Variants in UBR1 observed in about 807,000 individuals in gnomAD.
UBR1 encodes E3 ubiquitin-protein ligase UBR1.
In UBR1, 102 loss-of-function variants were observed where a neutral mutation model predicts 242.1. The ratio of observed to expected loss-of-function variants is 0.42; its 90% confidence interval spans 0.36 to 0.50. The LOEUF (loss-of-function observed/expected upper bound fraction) is 0.50. UBR1 is among the 20% of genes least tolerant of loss of function. The pLI is 0.01. For missense variants in UBR1, 1,772 were observed against 2,101.8 expected (o/e 0.84, Z 3.07); for synonymous variants, 675 against 684.8 (o/e 0.99, Z 0.22).
intron 1 of UBR1, among the ~76,000 whole-genome samples, chr15:43,104,965 T>C (rs553321385): frequency 6.6e-5 from 10 of 152,188 alleles, no homozygotes; most frequent in Admixed American, 5.2e-4. Flanking sequence ...ACTCGGAAGG[T>C]TGCAGTGAGC....
chr15:43,029,026 A>C (rs1187140912), intron 21 of UBR1, among the ~76,000 whole-genome samples: 1 of 152,054 alleles, frequency 6.6e-6, no homozygotes, highest in Non-Finnish European at 1.5e-5. Flanking sequence ...CGGAGGTTGC[A>C]GTGAGCCAAG....
Position 43,043,402 on chromosome 15 carries a change from G to T in UBR1, c.1669-7C>A. On this transcript the variant is annotated splice_polypyrimidine_tract_variant and splice_region_variant and intron_variant, in intron 14 of 46. Transcript: ENST00000290650. ...CCACAAGTAAGAGTTCTTCCTAAGA[G>T]GAAAATAAGATACAAAAAGTTGACA... 6.2e-7 allele frequency: 1 copy of T among 1,613,732 alleles called. No individual in the cohort carries two copies. Among genetic ancestry groups the T allele is most frequent in the Non-Finnish European group, 8.5e-7 (1 of 1,179,880 alleles).
chr15:43,093,916 T>G (rs1055606052), intron 1 of UBR1, among the ~76,000 whole-genome samples: 1 of 152,156 alleles, frequency 6.6e-6, no homozygotes, highest in Non-Finnish European at 1.5e-5. Flanking sequence ...CATCAGTCTT[T>G]TCAAATAAAT....
At chr15:43,009,325 G>A (rs1268995863) in intron 29 of UBR1, among the ~76,000 whole-genome samples, 1 of 152,250 alleles carries the variant, frequency 6.6e-6, no homozygotes, top group Non-Finnish European at 1.5e-5. Context: ...GGCTTGCACA[G>A]AGCTGGCCCC....
chr15:42,976,977 G>A, intron 38 of UBR1, 110 bp from the exon 39 acceptor site: 10 of 1,214,676 alleles, frequency 8.2e-6, no homozygotes. Context: ...TTGTGTGTGT[G>A]TTTTTTAATA....
chr15:42,962,984 T>A (rs1047865606), intron 42 of UBR1, among the ~76,000 whole-genome samples: 5 of 152,174 alleles, frequency 3.3e-5, no homozygotes, highest in Non-Finnish European at 7.4e-5. Flanking sequence ...GGGCAAGGAC[T>A]TTCTGTTTCA....
chr15:43,002,865 G>T (rs534331896), intron 31 of UBR1, among the ~76,000 whole-genome samples, 161 bp from the exon 32 acceptor site: 2 of 152,254 alleles, frequency 1.3e-5, no homozygotes, highest in South Asian at 4.1e-4. Flanking sequence ...AATTATAGAA[G>T]AAACAGGTTG....
chr15:43,012,615 A>T (rs2032939995), intron 29 of UBR1, among the ~76,000 whole-genome samples: 1 of 152,158 alleles, frequency 6.6e-6, no homozygotes, highest in South Asian at 2.1e-4. Context: ...CTTTGCTTAC[A>T]CCTTCTTATT....
chr15:43,053,682 C>A (rs2033582419), intron 12 of UBR1, among the ~76,000 whole-genome samples: 1 of 150,732 alleles, frequency 6.6e-6, no homozygotes, highest in South Asian at 2.1e-4. Flanking sequence ...AACCTCAAAC[C>A]CCTGGGCTCA....
At position 43,075,890 on chromosome 15, in the gene UBR1, T is replaced by C. The variant is rs535263116; in HGVS notation, c.418-801A>G. 1.3e-3 allele frequency among the ~76,000 whole-genome samples: 197 copies of C among 152,092 alleles called. 1 individual carries two copies. Among genetic ancestry groups the C allele is most frequent in the African/African-American group, 4.6e-3 (191 of 41,490 alleles). ...TCAGCCTGCCAAAGTGCTGGGATTA[T>C]AGGCATAAGCCACCATGCCCAACCT... On this transcript the variant is annotated intron_variant, in intron 3 of 46. Coordinates refer to ENST00000290650, the MANE Select transcript of UBR1 (RefSeq NM_174916.3).
At chr15:43,071,030 A>T (rs2033818346) in intron 4 of UBR1, 105 bp from the exon 5 acceptor site, 1 of 1,434,082 alleles carries the variant, frequency 7.0e-7, no homozygotes, top group Non-Finnish European at 9.6e-7. Context: ...ATTCATTACA[A>T]CATCGTCCAG....
At chr15:43,067,815 A>G in intron 6 of UBR1, 83 bp downstream of exon 6, 1 of 1,550,134 alleles carries the variant, frequency 6.5e-7, no homozygotes, top group Non-Finnish European at 8.9e-7. Flanking sequence ...ACCTAGCACA[A>G]TACTGAGCAA....
Position 42,945,489 on chromosome 15 carries a change from AAAC to A in UBR1, c.5109-22_5109-20del, listed in dbSNP as rs759794980. 1.2e-6 allele frequency: 2 copies of A among 1,613,762 alleles called. No homozygotes were observed. Among genetic ancestry groups the A allele is most frequent in the South Asian group, 2.2e-5 (2 of 91,014 alleles). On this transcript the variant is annotated intron_variant, in intron 46 of 46. Coordinates refer to ENST00000290650, the MANE Select transcript of UBR1 (RefSeq NM_174916.3). ...GCCCCTCCTTTAGGGAAAAAAGAAA[AAAC>A]AACATGTAAGTTTGAATCTAGTAAC...
Position 43,087,303 on chromosome 15 carries a change from G to A in UBR1, c.82-1063C>T, listed in dbSNP as rs928644227. Among the ~76,000 whole-genome samples the A allele has an allele frequency of 2.6e-5, 4 of 152,250 alleles. No homozygotes were observed. The South Asian group carries it at 8.3e-4, about 32-fold the overall frequency. The stretch of plus-strand genomic sequence containing the variant: ...GCCTGTAGTCCCAGCTACTCAGGAG[G>A]TTGAGGCAGGAGGATGGCGTGAACC... On this transcript the variant is annotated intron_variant, in intron 1 of 46. Transcript: ENST00000290650.
rs369213575 is a variant in UBR1 at position 43,030,008 on chromosome 15, A to G, written c.2315T>C (p.Ile772Thr). 7 of 1,613,938 alleles carry G rather than the reference A, an allele frequency of 4.3e-6. No homozygotes were observed. Among genetic ancestry groups the G allele is most frequent in the Non-Finnish European group, 5.9e-6 (7 of 1,179,976 alleles). ...VTKEEVTMREIIHLLCIEPMP... is the reference protein window; with the variant it reads ...VTKEEVTMRETIHLLCIEPMP... ...GGGTTCAATGCAAAGCAAGTGAATGATTTCTCTCATTGTGACCTCTTCTTT... is the reference window on the plus strand; with the variant it reads ...GGGTTCAATGCAAAGCAAGTGAATGGTTTCTCTCATTGTGACCTCTTCTTT... The change falls in exon 21 of 47, where the codon ATC becomes ACC. Residue 772 changes from isoleucine to threonine, a missense_variant. Physicochemically the swap from Ile to Thr is moderately conservative, Grantham distance 89. Transcript: ENST00000290650.
At chr15:43,003,969 G>C (rs371171231) in intron 30 of UBR1, 39 bp from the exon 31 acceptor site, 8 of 1,572,992 alleles carry the variant, frequency 5.1e-6, no homozygotes, top group Non-Finnish European at 6.1e-6. Context: ...AAGAGAGACA[G>C]GTTATCAGGT....
At chr15:43,087,810 CAA>C (rs1423047976) in intron 1 of UBR1, among the ~76,000 whole-genome samples, 1 of 151,924 alleles carries the variant, frequency 6.6e-6, no homozygotes, top group Non-Finnish European at 1.5e-5. Context: ...TGTCCCAAAA[CAA>C]GAGCTGAATA....
At chr15:43,058,735 G>A (rs2033647406) in intron 9 of UBR1, among the ~76,000 whole-genome samples, 1 of 151,186 alleles carries the variant, frequency 6.6e-6, no homozygotes, top group Non-Finnish European at 1.5e-5. Context: ...AGCCTTTTAC[G>A]TTTTGTTCTT....
chr15:43,055,479 G>C (rs1170061583), intron 11 of UBR1, among the ~76,000 whole-genome samples: 1 of 151,860 alleles, frequency 6.6e-6, no homozygotes, highest in Non-Finnish European at 1.5e-5. Context: ...GTATAACAAA[G>C]ATATACTTCA....
Sources: gnomAD v4.1 joint callset for allele counts (sites outside exome capture counted in the v4.1 genomes callset) on GRCh38, gnomAD v4.1.1 for gene constraint, MANE v1.5 for transcripts, NCBI Gene and HGNC (gene_info 2026-07-23, HGNC 2026-07-21) for gene names.